ADAMTS4: variants seen among roughly 807,000 people sequenced by gnomAD.
The protein encoded by ADAMTS4 is A disintegrin and metalloproteinase with thrombospondin motifs 4.
ADAMTS4 carries 38 observed loss-of-function variants against 66.7 expected under a neutral mutation model. The observed-to-expected ratio is 0.57, with a 90% CI of 0.44 to 0.75. The LOEUF is 0.75. Among genes scored for constraint, ADAMTS4 ranks in the 30% least tolerant of loss-of-function variants. The pLI, the probability that ADAMTS4 is intolerant of heterozygous loss-of-function variation, is 0.00. For synonymous variants in ADAMTS4, 418 were observed against 461.5 expected (o/e 0.91, Z 1.21); for missense variants, 1,014 against 1,116.7 (o/e 0.91, Z 1.31).
At position 161,196,710 on chromosome 1, in the gene ADAMTS4, C is replaced by T. The variant is rs1247380229; in HGVS notation, c.804G>A (p.Arg268=). ...CCTCGCCTGACCCCAGGATCACTAG[C>T]CGAGTCACCACCAAGCTGACAGGAT... is the stretch of plus-strand genomic sequence containing the variant. The part of the protein sequence containing the change: ...IRNPVSLVVT[R]LVILGSGEEG... The change falls in exon 2 of 9, where the codon CGG becomes CGA. Residue 268 remains arginine, a synonymous_variant. Coordinates refer to ENST00000367996, the MANE Select transcript of ADAMTS4 (RefSeq NM_005099.6). 1.9e-6 allele frequency: 3 copies of T among 1,613,978 alleles called. No homozygotes were observed. The highest frequency in any genetic ancestry group is 2.5e-6 in the Non-Finnish European group (3 of 1,180,016).
intron 3 of ADAMTS4, 82 bp from the exon 4 acceptor site, chr1:161,195,717 T>C: frequency 2.9e-6 from 4 of 1,398,980 alleles, no homozygotes; most frequent in Non-Finnish European, 3.9e-6. Context: ...TGGCTGCAGC[T>C]GTGGATGATC....
rs1271417703 is a variant in ADAMTS4, at chr1:161,193,531, C to T, written c.1735+109G>A. 45 of 1,505,706 alleles carry T rather than the reference C, an allele frequency of 3.0e-5. No individual in the cohort carries two copies. Among genetic ancestry groups the T allele is most frequent in the Non-Finnish European group, 4.0e-5 (44 of 1,113,248 alleles). 93.3% of individuals were successfully genotyped at this position (1,505,706 alleles called of 1,614,324 possible). On this transcript the variant is annotated intron_variant, in intron 6 of 8. Coordinates refer to ENST00000367996, the MANE Select transcript of ADAMTS4 (RefSeq NM_005099.6). The surrounding 1 kb of genome is among the most constrained non-coding windows in gnomAD (Gnocchi z 4.4). ...GGACAATTCCCAGAGGTTAAAGGCA[C>T]TCCCCACAGCAGCAGGGGAATCAAC...
Position 161,193,192 on chromosome 1 carries a change from TG to T in ADAMTS4, c.1911+20del. 1 of 1,604,804 alleles carries T rather than the reference TG, an allele frequency of 6.2e-7. No individual in the cohort carries two copies. On this transcript the variant is annotated intron_variant, in intron 7 of 8. Transcript: ENST00000367996. The surrounding 1 kb of genome is among the most constrained non-coding windows in gnomAD (Gnocchi z 4.4). The stretch of plus-strand genomic sequence containing the variant: ...GGTGTGTGTGACCATAGACAGGGCC[TG>T]GGGGTGTCCTGACCCTCACCCGTGG...
At position 161,194,125 on chromosome 1, in the gene ADAMTS4, A is replaced by G. The variant is rs1664756514; in HGVS notation, c.1358T>C (p.Phe453Ser). 6.2e-7 allele frequency: 1 copy of G among 1,614,194 alleles called. No homozygotes were observed. The highest frequency in any genetic ancestry group is 2.2e-5 in the East Asian group (1 of 44,886). Residue 453 changes from phenylalanine (F) to serine (S), a missense_variant, in exon 5 of 9, where the codon TTC becomes TCC. Coordinates refer to ENST00000367996, the MANE Select transcript of ADAMTS4 (RefSeq NM_005099.6). This position sits in a 1 kb window ranked among gnomAD's most constrained non-coding sequence, Gnocchi z 4.1. Reference sequence around the variant, plus strand: ...TGGACAATGGCGTGAGTCGGGCCCGAAGGTCAGCTGGCACTGGCGGTCAGC... The same window carrying G: ...TGGACAATGGCGTGAGTCGGGCCCGGAGGTCAGCTGGCACTGGCGGTCAGC... Reference protein sequence around the residue: ...YDADRQCQLTFGPDSRHCPQL... With the variant: ...YDADRQCQLTSGPDSRHCPQL...
At position 161,193,306 on chromosome 1, in the gene ADAMTS4, C is replaced by G. The variant is rs1261718264; in HGVS notation, c.1818G>C (p.Trp606Cys). The change falls in exon 7 of 9, where the codon TGG becomes TGC. Residue 606 changes from tryptophan (W) to cysteine (C), a missense_variant. Coordinates refer to ENST00000367996, the MANE Select transcript of ADAMTS4 (RefSeq NM_005099.6). This position sits in a 1 kb window ranked among gnomAD's most constrained non-coding sequence, Gnocchi z 4.4. ...GGGCCACGCCTGTGTAGCGAGGAAC[C>G]CAGTCCATGGGCCCTGGGAAGCTCT... ...LFKSFPGPMDWVPRYTGVAPQ... is the reference protein window; with the variant it reads ...LFKSFPGPMDCVPRYTGVAPQ... 1 of 1,613,916 alleles carries G rather than the reference C, an allele frequency of 6.2e-7. No individual in the cohort carries two copies. The highest frequency in any genetic ancestry group is 1.3e-5 in the African/African-American group (1 of 74,874).
rs1192093944 is a variant in ADAMTS4 at position 161,198,549 on chromosome 1, G to A, written c.79C>T (p.Pro27Ser). Residue 27 changes from proline (P) to serine (S), a missense_variant, in exon 1 of 9, where the codon CCC becomes TCC. By Grantham distance (74) the Pro-to-Ser change is moderately conservative. Coordinates refer to ENST00000367996, the MANE Select transcript of ADAMTS4 (RefSeq NM_005099.6). This position sits in a 1 kb window ranked among gnomAD's most constrained non-coding sequence, Gnocchi z 4.7. ...LWGAQPCLLL[P>S]IVPLSWLVWL... ...ACCAGCCAGGAGAGCGGCACAATGG[G>A]GAGCAGGAGGCAGGGTTGGGCTCCC... 1 of 1,563,724 alleles carries A rather than the reference G, an allele frequency of 6.4e-7. No homozygotes were observed. The highest frequency in any genetic ancestry group is 1.7e-4 in the Middle Eastern group (1 of 6,000).
Position 161,190,765 on chromosome 1 carries a change from T to G in ADAMTS4, c.*373A>C. On this transcript the variant is annotated 3_prime_UTR_variant, in exon 9 of 9. Transcript: ENST00000367996. ...GGTGAGGGCTATGAGGGGTCAGGGG[T>G]CAGGTTCCCCAGGACCCTAGTCCTT... 5.3e-6 allele frequency: 1 copy of G among 188,784 alleles called. No homozygotes were observed. The highest frequency in any genetic ancestry group is 1.1e-5 in the Non-Finnish European group (1 of 89,918). The allele number at this position is 188,784 out of a possible 1,614,324, so 11.7% of individuals were successfully genotyped here.
chr1:161,198,213 C>G lies in ADAMTS4; in HGVS notation c.415G>C (p.Val139Leu). 2 of 1,614,114 alleles carry G rather than the reference C, an allele frequency of 1.2e-6. No individual in the cohort carries two copies. The highest frequency in any genetic ancestry group is 1.7e-6 in the Non-Finnish European group (2 of 1,180,004). The change falls in exon 1 of 9, where the codon GTG becomes CTG. Residue 139 changes from valine to leucine, a missense_variant. Coordinates refer to ENST00000367996, the MANE Select transcript of ADAMTS4 (RefSeq NM_005099.6). The surrounding 1 kb of genome is among the most constrained non-coding windows in gnomAD (Gnocchi z 4.7). ...TGTINGDPES[V>L]ASLHWDGGAL... The stretch of plus-strand genomic sequence containing the variant: ...CCCCCATCCCAGTGCAGAGATGCCA[C>G]CGACTCCGGATCTCCATTGATGGTG...
In ADAMTS4 at chr1:161,191,158, G is replaced by A. The variant is rs777539144; in HGVS notation, c.2494C>T (p.Pro832Ser). The change falls in exon 9 of 9, where the codon CCC becomes TCC. Residue 832 changes from proline to serine, a missense_variant. Coordinates refer to ENST00000367996, the MANE Select transcript of ADAMTS4 (RefSeq NM_005099.6). ...AQILEILRRRPWAGRK is the reference protein window; with the variant it reads ...AQILEILRRRSWAGRK ...TGAGGTTATTTCCTGCCCGCCCAGG[G>A]GCGCCGCCGAAGGATCTCCAGAATC... 9 of 1,561,034 alleles carry A rather than the reference G, an allele frequency of 5.8e-6. No individual in the cohort carries two copies. Among genetic ancestry groups the A allele is most frequent in the Non-Finnish European group, 6.1e-6 (7 of 1,148,010 alleles).
rs34912400 is a variant in ADAMTS4, at chr1:161,187,944, C to CTTTTTTTTTTT, written c.*3183_*3193dup. 1.1e-5 allele frequency: 1 copy of CTTTTTTTTTTT among 91,822 alleles called. No individual in the cohort carries two copies. The highest frequency in any genetic ancestry group is 4.5e-5 in the African/African-American group (1 of 22,098). 5.7% of individuals were successfully genotyped at this position (91,822 alleles called of 1,614,324 possible). A position where few individuals can be genotyped will look rare whatever the true frequency, so the allele number is the denominator to read the frequency against. ...TGACACATAGAGGACTGCCCAAGTT[C>CTTTTTTTTTTT]TTTTTTTTTTTTTTTTTTTTTTTGA... On this transcript the variant is annotated 3_prime_UTR_variant, in exon 9 of 9. Coordinates refer to ENST00000367996, the MANE Select transcript of ADAMTS4 (RefSeq NM_005099.6).
Position 161,186,661 on chromosome 1 carries a change from G to A in ADAMTS4, c.*4477C>T, listed in dbSNP as rs1274105677. Reference sequence around the variant, plus strand: ...GGAGTTCAAGGCTGTAGTAAGTTATGATGGTGCCACTGCACTCCAACCTGA... The same window carrying A: ...GGAGTTCAAGGCTGTAGTAAGTTATAATGGTGCCACTGCACTCCAACCTGA... On this transcript the variant is annotated 3_prime_UTR_variant, in exon 9 of 9. Coordinates refer to ENST00000367996, the MANE Select transcript of ADAMTS4 (RefSeq NM_005099.6). 2.0e-5 allele frequency: 3 copies of A among 152,236 alleles called. No individual in the cohort carries two copies. Among genetic ancestry groups the A allele is most frequent in the African/African-American group, 7.2e-5 (3 of 41,432 alleles). The allele number at this position is 152,236 out of a possible 1,614,324, so 9.4% of individuals were successfully genotyped here. A position where few individuals can be genotyped will look rare whatever the true frequency, so the allele number is the denominator to read the frequency against.
At position 161,185,457 on chromosome 1, in the gene ADAMTS4, C is replaced by G. The variant is rs1664526174; in HGVS notation, c.*5681G>C. On this transcript the variant is annotated 3_prime_UTR_variant, in exon 9 of 9. Transcript: ENST00000367996. The stretch of plus-strand genomic sequence containing the variant: ...TGCTCCCCCGCCTTCCCTGACCCCC[C>G]TCTTTCTGAGCATTTTTAGCACTCG... The G allele has an allele frequency of 6.6e-6, 1 of 151,920 alleles. No homozygotes were observed. 9.4% of individuals were successfully genotyped at this position (151,920 alleles called of 1,614,324 possible).
At position 161,187,781 on chromosome 1, in the gene ADAMTS4, G is replaced by C. The variant is rs1293212129; in HGVS notation, c.*3357C>G. ...TTCACTCTTCCACCTCAACCTCAGGGTCTTCTTTACCTATAGTTTCTCCCA... is the reference window on the plus strand; with the variant it reads ...TTCACTCTTCCACCTCAACCTCAGGCTCTTCTTTACCTATAGTTTCTCCCA... On this transcript the variant is annotated 3_prime_UTR_variant, in exon 9 of 9. Transcript: ENST00000367996. 6.6e-6 allele frequency: 1 copy of C among 151,972 alleles called. No homozygotes were observed. The highest frequency in any genetic ancestry group is 1.5e-5 in the Non-Finnish European group (1 of 68,026). 9.4% of individuals were successfully genotyped at this position (151,972 alleles called of 1,614,324 possible). A position where few individuals can be genotyped will look rare whatever the true frequency, so the allele number is the denominator to read the frequency against.
At position 161,191,164 on chromosome 1, in the gene ADAMTS4, G is replaced by A. The variant is rs114728887; in HGVS notation, c.2488C>T (p.Arg830Trp). The A allele has an allele frequency of 9.6e-6, 15 of 1,567,806 alleles. No individual in the cohort carries two copies. The highest frequency in any genetic ancestry group is 5.3e-5 in the Admixed American group (3 of 56,412). ...TATTTCCTGCCCGCCCAGGGGCGCC[G>A]CCGAAGGATCTCCAGAATCTGTGCT... ...RRAQILEILR[R>W]RPWAGRK Residue 830 changes from arginine (R) to tryptophan (W), a missense_variant, in exon 9 of 9, where the codon CGG (arginine) becomes TGG (tryptophan). Transcript: ENST00000367996.
rs77782052 is a variant in ADAMTS4, at chr1:161,193,499, C to T, written c.1736-111G>A. 8.3e-4 allele frequency: 1,252 copies of T among 1,516,418 alleles called. 9 individuals carry two copies. In the African/African-American group the frequency reaches 0.014, roughly 17 times the overall value. The allele number at this position is 1,516,418 out of a possible 1,614,324, so 93.9% of individuals were successfully genotyped here. A position where few individuals can be genotyped will look rare whatever the true frequency, so the allele number is the denominator to read the frequency against. On this transcript the variant is annotated intron_variant, in intron 6 of 8. Coordinates refer to ENST00000367996, the MANE Select transcript of ADAMTS4 (RefSeq NM_005099.6). This position sits in a 1 kb window ranked among gnomAD's most constrained non-coding sequence, Gnocchi z 4.4. ...GCACAGCTCTGCTCTTCCCTGCAGA[C>T]GGCCAAGGACAATTCCCAGAGGTTA... is the stretch of plus-strand genomic sequence containing the variant.
intron 8 of ADAMTS4, 137 bp downstream of exon 8, chr1:161,191,928 G>A (rs1181603733): frequency 1.7e-5 from 19 of 1,088,814 alleles, no homozygotes; most frequent in Middle Eastern, 2.9e-4. Flanking sequence ...ATGGGAAACC[G>A]CACTGTAGCT....
chr1:161,195,928 CACACAG>C lies in ADAMTS4; in HGVS notation c.1090+237_1090+242del, dbSNP rs1400752310. The C allele has an allele frequency of 6.2e-5, 33 of 531,638 alleles. No individual in the cohort carries two copies. In the African/African-American group the frequency reaches 6.9e-4, roughly 11 times the overall value. The allele number at this position is 531,638 out of a possible 1,614,324, so 32.9% of individuals were successfully genotyped here. ...CTCTGACTCCCCCTCCAAATACACA[CACACAG>C]ACACACACACACACACACACACACA... is the stretch of plus-strand genomic sequence containing the variant. On this transcript the variant is annotated intron_variant, in intron 3 of 8. Transcript: ENST00000367996.
rs748455323 is a variant in ADAMTS4, at chr1:161,194,189, A to G, written c.1294T>C (p.Leu432=). 9 of 1,614,004 alleles carry G rather than the reference A, an allele frequency of 5.6e-6. No individual in the cohort carries two copies. The South Asian group carries it at 7.7e-5, about 14-fold the overall frequency. ...HCLLDKPEAP[L]HLPVTFPGKD... is the part of the protein sequence containing the mutation. ...CCAGGGAAAGTCACAGGCAGATGCA[A>G]TGGAGCCTCTGGTTTGTCTAAGAGA... Residue 432 remains leucine (L), a synonymous_variant, in exon 5 of 9, where the codon TTG becomes CTG. Transcript: ENST00000367996. This position sits in a 1 kb window ranked among gnomAD's most constrained non-coding sequence, Gnocchi z 4.1.
rs1478541566 is a variant in ADAMTS4, at chr1:161,193,206, C to T, written c.1911+7G>A. 3 of 1,610,650 alleles carry T rather than the reference C, an allele frequency of 1.9e-6. No homozygotes were observed. The highest frequency in any genetic ancestry group is 2.2e-5 in the South Asian group (2 of 90,704). On this transcript the variant is annotated splice_region_variant and intron_variant, in intron 7 of 8. Transcript: ENST00000367996. This position sits in a 1 kb window ranked among gnomAD's most constrained non-coding sequence, Gnocchi z 4.4. ...TAGACAGGGCCTGGGGGTGTCCTGA[C>T]CCTCACCCGTGGCTCCAGCACATAG...
Sources: gnomAD v4.1 joint callset for allele counts on GRCh38, gnomAD v4.1.1 for gene constraint, Gnocchi (gnomAD v3.1) non-coding constraint, MANE v1.5 for transcripts, NCBI Gene and HGNC (gene_info 2026-07-23, HGNC 2026-07-21) for gene names.